Variants in SH3BGR observed in about 807,000 individuals in gnomAD.
SH3BGR encodes the protein SH3 domain-binding glutamic acid-rich protein.
SH3BGR carries 29 observed loss-of-function variants against 24.5 expected under a neutral mutation model. The ratio of observed to expected loss-of-function variants is 1.18; its 90% CI spans 0.88 to 1.61. The LOEUF (loss-of-function observed/expected upper bound fraction) is 1.61, where lower values mean the gene tolerates loss of function less well. Among genes scored for constraint, SH3BGR ranks in the 40% most tolerant of loss-of-function variants. The pLI is 0.00. For missense variants in SH3BGR, 162 were observed against 205.8 expected (o/e 0.79, Z 1.30); for synonymous variants, 55 against 65.7 (o/e 0.84, Z 0.79).
At chr21:39,513,246 A>G (rs1444701360) in intron 6 of SH3BGR, among the ~76,000 whole-genome samples, 1 of 152,236 alleles carries the variant, frequency 6.6e-6, no homozygotes, top group Non-Finnish European at 1.5e-5. Context: ...TGACTTCACC[A>G]TGTTCCCCAG....
chr21:39,476,135 CAA>C (rs1440265067), intron 3 of SH3BGR, among the ~76,000 whole-genome samples: 7 of 152,016 alleles, frequency 4.6e-5, no homozygotes, highest in Non-Finnish European at 8.8e-5. Flanking sequence ...GGTGGGACTT[CAA>C]GTTTAAAGTT....
At chr21:39,495,480 C>T (rs1250204055) in intron 3 of SH3BGR, among the ~76,000 whole-genome samples, 1 of 142,958 alleles carries the variant, frequency 7.0e-6, no homozygotes, top group Non-Finnish European at 1.5e-5. Flanking sequence ...GGGTAAAAGT[C>T]TCTTTTTTTT....
chr21:39,506,889 G>A (rs2078592973), intron 4 of SH3BGR, among the ~76,000 whole-genome samples: 1 of 152,170 alleles, frequency 6.6e-6, no homozygotes, highest in Admixed American at 6.5e-5. Context: ...AGCACAGATT[G>A]GAGATGAGAA....
At chr21:39,501,295 C>T (rs895562502) in intron 4 of SH3BGR, among the ~76,000 whole-genome samples, 4 of 152,204 alleles carry the variant, frequency 2.6e-5, no homozygotes, top group Non-Finnish European at 5.9e-5. Context: ...TAATCAGATC[C>T]TGCCTCCTAT....
intron 2 of SH3BGR, among the ~76,000 whole-genome samples, chr21:39,472,428 A>G (rs2077956726): frequency 6.6e-6 from 1 of 152,130 alleles, no homozygotes; most frequent in Non-Finnish European, 1.5e-5. Flanking sequence ...ACCTCCCAAC[A>G]CTGTTGCATT....
At chr21:39,453,026 TC>T (rs992187167) in intron 1 of SH3BGR, among the ~76,000 whole-genome samples, 3 of 152,186 alleles carry the variant, frequency 2.0e-5, no homozygotes, top group Non-Finnish European at 4.4e-5. Flanking sequence ...AGGCGGCTGT[TC>T]CTTTTATATC....
Position 39,463,799 on chromosome 21 carries a change from G to A in SH3BGR, c.231+1239G>A, listed in dbSNP as rs945112678. Among the ~76,000 whole-genome samples the A allele has an allele frequency of 9.9e-5, 15 of 152,250 alleles. No individual in the cohort carries two copies. The East Asian group carries it at 1.2e-3, about 12-fold the overall frequency. ...TCTGCTTGTTCACAGAAAAGTTTGCGGACCTCTCATTTGAAGGATGAATTG... is the reference window on the plus strand; with the variant it reads ...TCTGCTTGTTCACAGAAAAGTTTGCAGACCTCTCATTTGAAGGATGAATTG... On this transcript the variant is annotated intron_variant, in intron 2 of 6. Transcript: ENST00000333634.
At chr21:39,481,637 A>G (rs1376659279) in intron 3 of SH3BGR, among the ~76,000 whole-genome samples, 1 of 152,246 alleles carries the variant, frequency 6.6e-6, no homozygotes, top group Non-Finnish European at 1.5e-5. Flanking sequence ...TGTCACATAT[A>G]TAGATAACTA....
At chr21:39,490,771 C>T (rs1047335738) in intron 3 of SH3BGR, among the ~76,000 whole-genome samples, 1 of 150,086 alleles carries the variant, frequency 6.7e-6, no homozygotes, top group Non-Finnish European at 1.5e-5. Context: ...CAGTCTCACA[C>T]TGTCTGGAGT....
intron 2 of SH3BGR, among the ~76,000 whole-genome samples, chr21:39,469,317 T>G (rs1025434710): frequency 3.3e-5 from 5 of 151,952 alleles, no homozygotes; most frequent in African/African-American, 1.2e-4. Context: ...CTCTGATTTT[T>G]TTTTTTAAGT....
At chr21:39,446,669 G>C (rs962360339) in intron 1 of SH3BGR, among the ~76,000 whole-genome samples, 1 of 152,082 alleles carries the variant, frequency 6.6e-6, no homozygotes, top group East Asian at 1.9e-4. Flanking sequence ...CATATCTTGA[G>C]TGCCATTTGT....
chr21:39,455,677 A>G (rs184098789), intron 1 of SH3BGR, among the ~76,000 whole-genome samples: 374 of 152,268 alleles, frequency 2.5e-3, no homozygotes, highest in Non-Finnish European at 4.2e-3. Flanking sequence ...GTGCAGCAAG[A>G]CGACAGTGCC....
Position 39,511,724 on chromosome 21 carries a change from G to A in SH3BGR, c.480G>A (p.Glu160=). 1.9e-6 allele frequency: 3 copies of A among 1,585,636 alleles called. No homozygotes were observed. Among genetic ancestry groups the A allele is most frequent in the Non-Finnish European group, 2.6e-6 (3 of 1,168,788 alleles). The part of the protein sequence containing the change: ...AMEGAEGEAE[E]EEETAEGEEP... ...AGGGTGCGGAAGGGGAAGCCGAGGA[G>A]GAGGAAGAAACTGCAGAAGGAGAAG... The change falls in exon 6 of 7, where the codon GAG becomes GAA. Residue 160 remains glutamate, a synonymous_variant. Coordinates refer to ENST00000333634, the MANE Select transcript of SH3BGR (RefSeq NM_007341.3). The surrounding 1 kb of genome is among the most constrained non-coding windows in gnomAD (Gnocchi z 4.2).
At chr21:39,499,611 A>C (rs1433176342) in intron 3 of SH3BGR, among the ~76,000 whole-genome samples, 2 of 152,180 alleles carry the variant, frequency 1.3e-5, no homozygotes, top group Admixed American at 6.5e-5. Context: ...CCTGCAATGC[A>C]CATAGGTTGG....
chr21:39,463,142 C>T (rs984094526), intron 2 of SH3BGR, among the ~76,000 whole-genome samples: 1 of 152,170 alleles, frequency 6.6e-6, no homozygotes, highest in Non-Finnish European at 1.5e-5. Flanking sequence ...CCTTGGCCTC[C>T]CAAAGTGCTG....
chr21:39,450,131 G>GA (rs2077556807), upstream of SH3BGR, among the ~76,000 whole-genome samples: 2 of 152,184 alleles, frequency 1.3e-5, no homozygotes, highest in Admixed American at 1.3e-4. Context: ...TTATGTGGCA[G>GA]ACTTTAAGGT....
At chr21:39,479,246 G>A (rs1429866266) in intron 3 of SH3BGR, among the ~76,000 whole-genome samples, 1 of 148,098 alleles carries the variant, frequency 6.8e-6, no homozygotes, top group Non-Finnish European at 1.5e-5. Flanking sequence ...TGGTGGTGGT[G>A]GTGGTGGTGG....
At chr21:39,468,508 G>A (rs774267844) in intron 2 of SH3BGR, among the ~76,000 whole-genome samples, 13 of 152,096 alleles carry the variant, frequency 8.5e-5, no homozygotes, top group Non-Finnish European at 1.9e-4. Context: ...GCACGATCAT[G>A]GCTCACTGCA....
chr21:39,509,550 C>T (rs888888069), intron 5 of SH3BGR, among the ~76,000 whole-genome samples: 29 of 147,820 alleles, frequency 2.0e-4, no homozygotes, highest in African/African-American at 7.0e-4. Context: ...TCTCAGCTCA[C>T]TGCAACCTCC....
Sources: gnomAD v4.1 joint callset for allele counts (sites outside exome capture counted in the v4.1 genomes callset) on GRCh38, gnomAD v4.1.1 for gene constraint, Gnocchi (gnomAD v3.1) non-coding constraint, MANE v1.5 for transcripts, NCBI Gene and HGNC (gene_info 2026-07-23, HGNC 2026-07-21) for gene names.